PLD1: variants seen among roughly 807,000 people sequenced by gnomAD.
PLD1 encodes phospholipase D1.
A neutral mutation model predicts 137.1 loss-of-function variants in PLD1; 112 were observed. That is an observed-to-expected ratio of 0.82 (90% CI 0.70 to 0.96). The LOEUF is 0.96. PLD1 is among the 40% of genes least tolerant of loss of function. PLD1 has a pLI of 0.00. For synonymous variants in PLD1, 431 were observed against 454.7 expected (o/e 0.95, Z 0.66); for missense variants, 1,321 against 1,342.0 (o/e 0.98, Z 0.24).
intron 23 of PLD1, among the ~76,000 whole-genome samples, chr3:171,620,754 ATATATATATATATATTATATATATT>A (rs1560150909): frequency 1.4e-5 from 2 of 138,194 alleles, no homozygotes; most frequent in African/African-American, 5.9e-5. Flanking sequence ...ATATATATAT[ATATATATATATATATTATATATATT>A]TTTTTTTTAA....
At chr3:171,799,867 A>G (rs945807732) in intron 1 of PLD1, among the ~76,000 whole-genome samples, 8 of 151,530 alleles carry the variant, frequency 5.3e-5, no homozygotes, top group African/African-American at 1.9e-4. Flanking sequence ...GACATTCTAC[A>G]GAATACCTAA....
intron 1 of PLD1, among the ~76,000 whole-genome samples, chr3:171,748,652 A>T (rs1560275405): frequency 6.6e-6 from 1 of 151,992 alleles, no homozygotes; most frequent in South Asian, 2.1e-4. Context: ...TTTTTTGGCC[A>T]TCTATGTAAT....
intron 1 of PLD1, among the ~76,000 whole-genome samples, chr3:171,765,686 G>A (rs902068887): frequency 3.9e-5 from 6 of 152,096 alleles, no homozygotes; most frequent in Non-Finnish European, 7.4e-5. Flanking sequence ...ATGAGGAAGG[G>A]GAAGTATGAA....
chr3:171,680,473 ATC>A (rs1713867027), intron 16 of PLD1, among the ~76,000 whole-genome samples: 1 of 151,800 alleles, frequency 6.6e-6, no homozygotes, highest in Non-Finnish European at 1.5e-5. Flanking sequence ...TGACCTCGTG[ATC>A]TGCCTGCCTC....
In PLD1 at chr3:171,677,370, C is replaced by A. The variant is rs577037350; in HGVS notation, c.1996+196G>T. 3.9e-5 allele frequency among the ~76,000 whole-genome samples: 6 copies of A among 152,162 alleles called. No homozygotes were observed. The South Asian group carries it at 1.0e-3, about 26-fold the overall frequency. ...AGACAGTTCAGCTCTATTTCATGTT[C>A]TTTTCTTATTATAACTGAAAAAAAA... On this transcript the variant is annotated intron_variant, in intron 17 of 26. Transcript: ENST00000351298.
At chr3:171,802,796 G>C (rs1272423623) in intron 1 of PLD1, among the ~76,000 whole-genome samples, 1 of 152,188 alleles carries the variant, frequency 6.6e-6, no homozygotes, top group East Asian at 1.9e-4. Flanking sequence ...TGATTACCAA[G>C]TTTCACAGGA....
At chr3:171,635,289 G>A (rs1413041402) in intron 23 of PLD1, among the ~76,000 whole-genome samples, 5 of 152,192 alleles carry the variant, frequency 3.3e-5, no homozygotes, top group Non-Finnish European at 7.4e-5. Context: ...ATGTTAAGGA[G>A]TAGAACTGCT....
At chr3:171,624,990 A>G (rs191850040) in intron 23 of PLD1, among the ~76,000 whole-genome samples, 88 of 152,270 alleles carry the variant, frequency 5.8e-4, no homozygotes, top group Non-Finnish European at 4.4e-5. Flanking sequence ...ATTTATTTAA[A>G]TATGTTTTTT....
intron 24 of PLD1, among the ~76,000 whole-genome samples, chr3:171,613,692 CA>C (rs1732866818): frequency 6.7e-6 from 1 of 149,890 alleles, no homozygotes; most frequent in African/African-American, 2.5e-5. Flanking sequence ...TCAAGGAGTC[CA>C]TTTTTTTTTT....
chr3:171,623,386 C>T (rs191371766), intron 23 of PLD1, among the ~76,000 whole-genome samples: 64 of 148,368 alleles, frequency 4.3e-4, no homozygotes, highest in African/African-American at 1.6e-3. Flanking sequence ...GTGATCTCGA[C>T]TCACTGCAAG....
At chr3:171,808,678 G>A (rs1380580277) in intron 1 of PLD1, among the ~76,000 whole-genome samples, 5 of 152,014 alleles carry the variant, frequency 3.3e-5, no homozygotes, top group African/African-American at 1.2e-4. Context: ...CCAAGAAGCC[G>A]GGTTCCCCAC....
At chr3:171,785,573 G>T (rs1010451976) in intron 1 of PLD1, among the ~76,000 whole-genome samples, 1 of 151,982 alleles carries the variant, frequency 6.6e-6, no homozygotes, top group South Asian at 2.1e-4. Flanking sequence ...CGAGTAGCTC[G>T]CATTACAGGC....
chr3:171,762,675 G>A (rs572152533), intron 1 of PLD1, among the ~76,000 whole-genome samples: 2 of 152,202 alleles, frequency 1.3e-5, no homozygotes, highest in Non-Finnish European at 2.9e-5. Context: ...GAAGGGGTAT[G>A]GTGGGTCGGA....
At chr3:171,671,851 T>C (rs1712795328) in intron 19 of PLD1, among the ~76,000 whole-genome samples, 1 of 151,798 alleles carries the variant, frequency 6.6e-6, no homozygotes, top group African/African-American at 2.4e-5. Flanking sequence ...GAAAACTCTC[T>C]CCTCCATTAA....
intron 16 of PLD1, 151 bp from the exon 17 acceptor site, chr3:171,677,845 G>A (rs777870099): frequency 6.0e-6 from 4 of 671,468 alleles, no homozygotes; most frequent in Non-Finnish European, 7.3e-6. Context: ...CAGGCTGTGG[G>A]CTAACAAGGT....
chr3:171,713,774 A>G (rs1012128204), intron 9 of PLD1, 119 bp downstream of exon 9: 13 of 807,064 alleles, frequency 1.6e-5, no homozygotes, highest in African/African-American at 1.2e-4. Flanking sequence ...TTGATTGAGG[A>G]TGAGCTCTAA....
intron 20 of PLD1, among the ~76,000 whole-genome samples, chr3:171,659,728 T>A (rs1476069451): frequency 1.3e-5 from 2 of 152,178 alleles, no homozygotes; most frequent in African/African-American, 2.4e-5. Flanking sequence ...TTTAACAGAG[T>A]AGATGGTAAA....
chr3:171,720,350 C>T lies in PLD1; in HGVS notation c.758+4346G>A, dbSNP rs369076329. Among the ~76,000 whole-genome samples the T allele has an allele frequency of 1.3e-3, 189 of 147,136 alleles. 3 individuals carry two copies. The highest frequency in any genetic ancestry group is 4.6e-3 in the African/African-American group (181 of 39,612). ...GTGGCTCACGCTTGTAATCCCAACA[C>T]TTTGGGAGCCGAGGCGGGCGGATCA... On this transcript the variant is annotated intron_variant, in intron 8 of 26. Transcript: ENST00000351298.
At chr3:171,764,866 A>G (rs1480809860) in intron 1 of PLD1, among the ~76,000 whole-genome samples, 6 of 23,020 alleles carry the variant, frequency 2.6e-4, no homozygotes, top group African/African-American at 1.1e-3. Context: ...AAAGAAAGAA[A>G]GAAAGAAAGA....
Sources: allele counts gnomAD v4.1 joint callset (sites outside exome capture counted in the v4.1 genomes callset), GRCh38; gene constraint gnomAD v4.1.1; transcripts MANE v1.5; gene names NCBI Gene and HGNC (gene_info 2026-07-23, HGNC 2026-07-21).